Variants in EIF2AK3 observed in about 807,000 individuals in gnomAD.
EIF2AK3 encodes eukaryotic translation initiation factor 2 alpha kinase 3, also known as eukaryotic translation initiation factor 2-alpha kinase 3.
EIF2AK3 carries 50 observed loss-of-function variants against 113.5 expected under a neutral mutation model. The ratio of observed to expected loss-of-function variants is 0.44; its 90% confidence interval spans 0.35 to 0.56. EIF2AK3 has a LOEUF of 0.56. EIF2AK3 is among the 20% of genes least tolerant of loss of function. The probability of loss-of-function intolerance (pLI) is 0.00; values close to 1 mark genes in which losing one functional copy is unlikely to be tolerated. For missense variants in EIF2AK3, 1,185 were observed against 1,378.0 expected (o/e 0.86, Z 2.22); for synonymous variants, 448 against 495.4 (o/e 0.90, Z 1.27).
chr2:88,560,743 CTG>C (rs1491137964), intron 15 of EIF2AK3, among the ~76,000 whole-genome samples: 1 of 145,530 alleles, frequency 6.9e-6, no homozygotes, highest in African/African-American at 2.5e-5. Flanking sequence ...GTTATTTTGA[CTG>C]TTTTTTTTTT....
At position 88,625,336 on chromosome 2, in the gene EIF2AK3, C is replaced by CAT. The variant is rs1405281238; in HGVS notation, c.308+1630_308+1631insAT. On this transcript the variant is annotated intron_variant, in intron 1 of 16. Coordinates refer to ENST00000303236, the MANE Select transcript of EIF2AK3 (RefSeq NM_004836.7). ...ACACACACACACACACAGACATACA[C>CAT]AGAGACAAAATGTTTTCCAAACATA... 5.1e-3 allele frequency among the ~76,000 whole-genome samples: 658 copies of CAT among 128,940 alleles called. 3 individuals are homozygous for CAT. Among genetic ancestry groups the CAT allele is most frequent in the East Asian group, 0.035 (137 of 3,962 alleles). 84.6% of individuals were successfully genotyped at this position (128,940 alleles called of 152,430 possible).
chr2:88,568,822 A>G lies in EIF2AK3; in HGVS notation c.2985+2052T>C, dbSNP rs191300151. On this transcript the variant is annotated intron_variant, in intron 14 of 16. Transcript: ENST00000303236. ...ACAATATGCTCTAGCTGCTCTTTTCATAGAACACCATTTTGACTTGAAAGA... is the reference window on the plus strand; with the variant it reads ...ACAATATGCTCTAGCTGCTCTTTTCGTAGAACACCATTTTGACTTGAAAGA... 9.3e-4 allele frequency among the ~76,000 whole-genome samples: 142 copies of G among 152,358 alleles called. 1 individual carries two copies. The highest frequency in any genetic ancestry group is 1.4e-3 in the Admixed American group (22 of 15,308).
intron 2 of EIF2AK3, among the ~76,000 whole-genome samples, chr2:88,603,567 C>A (rs948846791): frequency 6.6e-6 from 1 of 152,186 alleles, no homozygotes; most frequent in Admixed American, 6.5e-5. Context: ...AGTCTTCACA[C>A]CAAGTAGCAG....
rs2104387173 is a variant in EIF2AK3 at position 88,562,322 on chromosome 2, C to G, written c.3054G>C (p.Leu1018=). 1 of 1,613,928 alleles carries G rather than the reference C, an allele frequency of 6.2e-7. No homozygotes were observed. Among genetic ancestry groups the G allele is most frequent in the Middle Eastern group, 1.6e-4 (1 of 6,062 alleles). Residue 1018 remains leucine, a synonymous_variant, in exon 15 of 17, where the codon CTG becomes CTC. Transcript: ENST00000303236. Reference sequence around the variant, plus strand: ...TCTCCATCTGAGTGCTGAATGGATACAGCAATTCAAATAGAATCAGGCCTA... The same window carrying G: ...TCTCCATCTGAGTGCTGAATGGATAGAGCAATTCAAATAGAATCAGGCCTA... The part of the protein sequence containing the change: ...FSLGLILFEL[L]YPFSTQMERV...
chr2:88,596,702 T>A (rs561960522), intron 2 of EIF2AK3, among the ~76,000 whole-genome samples: 1 of 151,876 alleles, frequency 6.6e-6, no homozygotes, highest in African/African-American at 2.4e-5. Flanking sequence ...GAGGCAAGAG[T>A]GGAGGCAGAG....
Position 88,627,107 on chromosome 2 carries a change from C to A in EIF2AK3, c.168G>T (p.Ala56=), listed in dbSNP as rs994130290. 1.0e-5 allele frequency: 16 copies of A among 1,535,496 alleles called. No individual in the cohort carries two copies. Among genetic ancestry groups the A allele is most frequent in the Middle Eastern group, 2.2e-4 (1 of 4,648 alleles). The change falls in exon 1 of 17, where the codon GCG becomes GCT. Residue 56 remains alanine, a synonymous_variant. Coordinates refer to ENST00000303236, the MANE Select transcript of EIF2AK3 (RefSeq NM_004836.7). The part of the protein sequence containing the change: ...GLGAAAAPTS[A]TRVPAAGAVA... ...CGGCGCCCGCCGCCGGTACTCGCGT[C>A]GCTGAGGTGGGAGCAGCGGCCGCCC...
chr2:88,595,324 T>C, intron 3 of EIF2AK3, 145 bp downstream of exon 3: 1 of 760,462 alleles, frequency 1.3e-6, no homozygotes, highest in Non-Finnish European at 2.2e-6. Context: ...CCTTCCTACC[T>C]CACAGTTCTC....
At chr2:88,588,943 T>A (rs997941603) in intron 6 of EIF2AK3, 42 bp from the exon 7 acceptor site, 3 of 1,606,132 alleles carry the variant, frequency 1.9e-6, no homozygotes, top group South Asian at 1.1e-5. Flanking sequence ...TTGATTTTTT[T>A]AAAAAGGTTT....
intron 2 of EIF2AK3, among the ~76,000 whole-genome samples, chr2:88,610,708 C>T (rs13409966): frequency 0.089 from 13,603 of 152,052 alleles, 723 homozygotes; most frequent in African/African-American, 0.15. Context: ...AAAAATGTTA[C>T]GTTATTGTGG....
intron 2 of EIF2AK3, among the ~76,000 whole-genome samples, chr2:88,610,683 A>G (rs1209244713): frequency 6.6e-6 from 1 of 152,254 alleles, no homozygotes; most frequent in Non-Finnish European, 1.5e-5. Flanking sequence ...ATTAAAGAAT[A>G]TAGTTATTAT....
At chr2:88,612,045 A>G (rs529074041) in intron 2 of EIF2AK3, among the ~76,000 whole-genome samples, 1 of 152,324 alleles carries the variant, frequency 6.6e-6, no homozygotes, top group East Asian at 1.9e-4. Flanking sequence ...GGTGCGAACT[A>G]AAGACAGTAA....
chr2:88,624,142 C>T (rs1169715210), intron 1 of EIF2AK3, among the ~76,000 whole-genome samples: 2 of 152,262 alleles, frequency 1.3e-5, no homozygotes, highest in Middle Eastern at 3.4e-3. Context: ...CAGGCACCCG[C>T]CACCATGCCT....
Position 88,557,865 on chromosome 2 carries a change from A to G in EIF2AK3, c.3222T>C (p.Asn1074=). The G allele has an allele frequency of 3.1e-6, 5 of 1,614,114 alleles. No individual in the cohort carries two copies. Among genetic ancestry groups the G allele is most frequent in the Non-Finnish European group, 4.2e-6 (5 of 1,179,996 alleles). The part of the protein sequence containing the change: ...ERPEAINIIE[N]AVFEDLDFPG... The stretch of plus-strand genomic sequence containing the variant: ...GAAAGTCCAAGTCCTCAAATACAGC[A>G]TTTTCAATGATGTTTATAGCTTCAG... The change falls in exon 17 of 17, where the codon AAT becomes AAC. Residue 1074 remains asparagine, a synonymous_variant. Coordinates refer to ENST00000303236, the MANE Select transcript of EIF2AK3 (RefSeq NM_004836.7).
At position 88,577,581 on chromosome 2, in the gene EIF2AK3, G is replaced by A. The variant is rs970876372; in HGVS notation, c.1887-878C>T. On this transcript the variant is annotated intron_variant, in intron 11 of 16. Coordinates refer to ENST00000303236, the MANE Select transcript of EIF2AK3 (RefSeq NM_004836.7). The stretch of plus-strand genomic sequence containing the variant: ...TTTAGTAGAGATGAGATTTTGTCAT[G>A]TTGGTCAGGCTGGTCTCGAACTCCT... Among the ~76,000 whole-genome samples the A allele has an allele frequency of 8.6e-5, 13 of 151,472 alleles. No homozygotes were observed. In the East Asian group the frequency reaches 2.0e-3, roughly 23 times the overall value.
intron 2 of EIF2AK3, among the ~76,000 whole-genome samples, chr2:88,606,921 T>G (rs1675292909): frequency 6.6e-6 from 1 of 152,128 alleles, no homozygotes; most frequent in Non-Finnish European, 1.5e-5. Flanking sequence ...AAACCTTATC[T>G]AAGTTTAGAC....
In EIF2AK3 at chr2:88,608,768, G is replaced by A. The variant is rs1675355806; in HGVS notation, c.438+4956C>T. Among the ~76,000 whole-genome samples, 9 of 134,676 alleles carry A rather than the reference G, an allele frequency of 6.7e-5. No individual in the cohort carries two copies. The South Asian group carries it at 2.2e-3, about 32-fold the overall frequency. The allele number at this position is 134,676 out of a possible 152,430, so 88.4% of individuals were successfully genotyped here. A position where few individuals can be genotyped will look rare whatever the true frequency, so the allele number is the denominator to read the frequency against. On this transcript the variant is annotated intron_variant, in intron 2 of 16. Transcript: ENST00000303236. ...CTGTCACCCAGGCTGGAGTGCAGTGGTGTGACCTGACTCACCGCAACCTCC... is the reference window on the plus strand; with the variant it reads ...CTGTCACCCAGGCTGGAGTGCAGTGATGTGACCTGACTCACCGCAACCTCC...
chr2:88,557,803 A>C lies in EIF2AK3; in HGVS notation c.3284T>G (p.Leu1095Trp). 3 of 1,614,182 alleles carry C rather than the reference A, an allele frequency of 1.9e-6. No individual in the cohort carries two copies. Among genetic ancestry groups the C allele is most frequent in the Non-Finnish European group, 2.5e-6 (3 of 1,180,008 alleles). ...TGAATGTTTTGTTCCCGATGAACTCAAGGAGCGAGACCTCTGTCTGAGCAC... is the reference window on the plus strand; with the variant it reads ...TGAATGTTTTGTTCCCGATGAACTCCAGGAGCGAGACCTCTGTCTGAGCAC... ...KTVLRQRSRS[L>W]SSSGTKHSRQ... Residue 1095 changes from leucine to tryptophan, a missense_variant, in exon 17 of 17, where the codon TTG becomes TGG. This residue lies in a region of EIF2AK3 where 877 missense variants were observed against 1,024.2 expected (regional missense o/e 0.86). Transcript: ENST00000303236.
intron 3 of EIF2AK3, 22 bp from the exon 4 acceptor site, chr2:88,593,427 C>G: frequency 6.2e-7 from 1 of 1,612,988 alleles, no homozygotes; most frequent in Non-Finnish European, 8.5e-7. Flanking sequence ...AAATTAGATA[C>G]AAAATTAGTA....
At chr2:88,571,218 C>T (rs1305039983) in intron 13 of EIF2AK3, among the ~76,000 whole-genome samples, 177 bp from the exon 14 acceptor site, 2 of 152,154 alleles carry the variant, frequency 1.3e-5, no homozygotes, top group African/African-American at 4.8e-5. Flanking sequence ...CAGACAAGTA[C>T]TGCTAGTAAA....
Sources: allele counts gnomAD v4.1 joint callset (sites outside exome capture counted in the v4.1 genomes callset), GRCh38; gene constraint gnomAD v4.1.1; regional missense constraint gnomAD v4.1.1; transcripts MANE v1.5; gene names NCBI Gene and HGNC (gene_info 2026-07-23, HGNC 2026-07-21).